RLF: variants seen among roughly 807,000 people sequenced by gnomAD.
The protein encoded by RLF is zinc finger protein Rlf.
In RLF, 7 loss-of-function variants were observed where a neutral mutation model predicts 162.9. The ratio of observed to expected loss-of-function variants is 0.04; its 90% confidence interval spans 0.02 to 0.08. RLF has a LOEUF of 0.08. Among genes scored for constraint, RLF ranks in the 10% least tolerant of loss-of-function variants. RLF has a pLI of 1.00. For synonymous variants in RLF, 782 were observed against 791.5 expected (o/e 0.99, Z 0.20); for missense variants, 1,664 against 2,244.7 (o/e 0.74, Z 5.23).
chr1:40,192,484 T>A (rs551776299), intron 3 of RLF, among the ~76,000 whole-genome samples: 1 of 152,302 alleles, frequency 6.6e-6, no homozygotes, highest in African/African-American at 2.4e-5. Flanking sequence ...TGAGGAACAT[T>A]TTGGATTTCA....
At chr1:40,174,642 A>G (rs1642293994) in intron 1 of RLF, among the ~76,000 whole-genome samples, 2 of 152,194 alleles carry the variant, frequency 1.3e-5, no homozygotes, top group Non-Finnish European at 2.9e-5. Flanking sequence ...TATTTGTACC[A>G]TACCTATATA....
chr1:40,224,566 G>T (rs1266965975), intron 6 of RLF, among the ~76,000 whole-genome samples: 1 of 125,286 alleles, frequency 8.0e-6, no homozygotes, highest in African/African-American at 3.2e-5. Flanking sequence ...GAGCCACTGC[G>T]CCTGGCCACA....
intron 5 of RLF, among the ~76,000 whole-genome samples, chr1:40,211,623 T>C (rs904993730): frequency 2.0e-5 from 3 of 152,102 alleles, no homozygotes; most frequent in African/African-American, 7.2e-5. Flanking sequence ...TCTTTTTTTT[T>C]CCTTTCTTTT....
At chr1:40,231,057 G>T (rs747892101) in intron 6 of RLF, among the ~76,000 whole-genome samples, 8 of 152,104 alleles carry the variant, frequency 5.3e-5, no homozygotes, top group Admixed American at 6.5e-5. Context: ...TGACATTTTA[G>T]ATCTGGAAAG....
chr1:40,204,826 C>CT (rs1384375721), intron 5 of RLF, among the ~76,000 whole-genome samples: 1 of 152,168 alleles, frequency 6.6e-6, no homozygotes, highest in African/African-American at 2.4e-5. Flanking sequence ...CTGTTTCACT[C>CT]TCTGTTGCTG....
chr1:40,229,728 C>T (rs1022999279), intron 6 of RLF, among the ~76,000 whole-genome samples: 1 of 151,804 alleles, frequency 6.6e-6, no homozygotes, highest in Non-Finnish European at 1.5e-5. Context: ...GCTGTGATTA[C>T]AGCCATGAGA....
chr1:40,222,535 A>C, intron 5 of RLF, 39 bp from the exon 6 acceptor site: 10 of 1,598,714 alleles, frequency 6.3e-6, no homozygotes, highest in Non-Finnish European at 7.7e-6. Context: ...CTGAAAAGTC[A>C]CCATTTTCTT....
At chr1:40,222,540 T>C in intron 5 of RLF, 34 bp from the exon 6 acceptor site, 1 of 1,599,800 alleles carries the variant, frequency 6.3e-7, no homozygotes, top group South Asian at 1.1e-5. Context: ...AAGTCACCAT[T>C]TTCTTTTTGA....
Position 40,239,295 on chromosome 1 carries a change from A to G in RLF, c.4593A>G (p.Lys1531=), listed in dbSNP as rs745942828. The change falls in exon 8 of 8, where the codon AAA becomes AAG. Residue 1531 remains lysine (K), a synonymous_variant. Coordinates refer to ENST00000372771, the MANE Select transcript of RLF (RefSeq NM_012421.4). Reference sequence around the variant, plus strand: ...AAAAGAAAGCCCCAATAAGTTTTAAAACCAGAGCTGAGGCCCTCCATATGT... The same window carrying G: ...AAAAGAAAGCCCCAATAAGTTTTAAGACCAGAGCTGAGGCCCTCCATATGT... ...IKEKKAPISF[K]TRAEALHMCV... is the part of the protein sequence containing the mutation. 1 of 1,614,110 alleles carries G rather than the reference A, an allele frequency of 6.2e-7. No individual in the cohort carries two copies. The highest frequency in any genetic ancestry group is 1.1e-5 in the South Asian group (1 of 91,080).
intron 5 of RLF, among the ~76,000 whole-genome samples, chr1:40,219,974 C>T (rs887480900): frequency 2.0e-5 from 3 of 152,178 alleles, no homozygotes; most frequent in South Asian, 2.1e-4. Context: ...TGGCCAGGTG[C>T]GGTGGCTCAC....
At chr1:40,223,379 A>G (rs894476284) in intron 6 of RLF, among the ~76,000 whole-genome samples, 1 of 152,196 alleles carries the variant, frequency 6.6e-6, no homozygotes, top group African/African-American at 2.4e-5. Context: ...GGTATGGATA[A>G]TGCTATAGGA....
At chr1:40,212,982 C>A (rs1164217164) in intron 5 of RLF, among the ~76,000 whole-genome samples, 4 of 152,148 alleles carry the variant, frequency 2.6e-5, no homozygotes. Flanking sequence ...TTAAAATATG[C>A]CACCTCCACC....
intron 5 of RLF, among the ~76,000 whole-genome samples, chr1:40,217,902 C>T (rs1570552459): frequency 6.6e-5 from 10 of 152,288 alleles, no homozygotes; most frequent in Admixed American, 5.9e-4. Context: ...GCAGTAGTCA[C>T]ATATTAAACC....
intron 1 of RLF, among the ~76,000 whole-genome samples, chr1:40,177,284 C>T (rs1642340288): frequency 6.6e-6 from 1 of 150,630 alleles, no homozygotes; most frequent in African/African-American, 2.5e-5. Context: ...CAGTGTATTT[C>T]TTTCTTTCTT....
At chr1:40,185,655 A>C (rs1459666635) in intron 1 of RLF, among the ~76,000 whole-genome samples, 1 of 121,772 alleles carries the variant, frequency 8.2e-6, no homozygotes, top group Non-Finnish European at 1.7e-5. Context: ...TACTAAAAAT[A>C]CAAAAAAAAA....
chr1:40,232,876 T>G (rs1321067324), intron 7 of RLF, among the ~76,000 whole-genome samples: 3 of 152,036 alleles, frequency 2.0e-5, no homozygotes, highest in African/African-American at 7.3e-5. Context: ...GGCTTTTTCT[T>G]TTTTGGCGGG....
chr1:40,220,511 T>G (rs894825373), intron 5 of RLF, among the ~76,000 whole-genome samples: 3 of 152,200 alleles, frequency 2.0e-5, no homozygotes, highest in African/African-American at 7.2e-5. Context: ...TTGAGTTAGA[T>G]TCTTCCTACC....
In RLF at chr1:40,161,438, G is replaced by A. The variant is rs759531537; in HGVS notation, c.39G>A (p.Gly13=). The A allele has an allele frequency of 1.9e-6, 3 of 1,572,148 alleles. No individual in the cohort carries two copies. The highest frequency in any genetic ancestry group is 2.6e-6 in the Non-Finnish European group (3 of 1,162,554). Residue 13 remains glycine (G), a synonymous_variant, in exon 1 of 8, where the codon GGG becomes GGA. Coordinates refer to ENST00000372771, the MANE Select transcript of RLF (RefSeq NM_012421.4). The surrounding 1 kb of genome is among the most constrained non-coding windows in gnomAD (Gnocchi z 4.4). Reference sequence around the variant, plus strand: ...AGGGAGACGCCGCCGCTGTCGCCGGGGCTGGGGCTGAGGCTCCGGCGGTAG... The same window carrying A: ...AGGGAGACGCCGCCGCTGTCGCCGGAGCTGGGGCTGAGGCTCCGGCGGTAG... The part of the protein sequence containing the change: ...DGKGDAAAVA[G]AGAEAPAVAG...
At chr1:40,230,517 C>T (rs975644553) in intron 6 of RLF, among the ~76,000 whole-genome samples, 2 of 152,016 alleles carry the variant, frequency 1.3e-5, no homozygotes, top group Admixed American at 6.6e-5. Flanking sequence ...CTGCAACCTC[C>T]ACCTCCCAGG....
Sources: gnomAD v4.1 joint callset for allele counts (sites outside exome capture counted in the v4.1 genomes callset) on GRCh38, gnomAD v4.1.1 for gene constraint, Gnocchi (gnomAD v3.1) non-coding constraint, MANE v1.5 for transcripts, NCBI Gene and HGNC (gene_info 2026-07-23, HGNC 2026-07-21) for gene names.